Variants in CECR2 observed in about 807,000 individuals in gnomAD.
CECR2 encodes the protein CECR2 histone acetyl-lysine reader, also known as chromatin remodeling regulator CECR2.
In CECR2, 30 loss-of-function variants were observed where a neutral mutation model predicts 154.5. The ratio of observed to expected loss-of-function variants is 0.19; its 90% confidence interval spans 0.15 to 0.26. CECR2 has a LOEUF of 0.26. Among genes scored for constraint, CECR2 ranks in the 10% least tolerant of loss-of-function variants. The pLI is 1.00. For missense variants in CECR2, 1,743 were observed against 1,829.3 expected (o/e 0.95, Z 0.86); for synonymous variants, 725 against 683.7 (o/e 1.06, Z -0.94).
chr22:17,422,056 G>A (rs1352588719), intron 1 of CECR2, among the ~76,000 whole-genome samples: 1 of 151,806 alleles, frequency 6.6e-6, no homozygotes, highest in Non-Finnish European at 1.5e-5. Flanking sequence ...TTTCTGAGAA[G>A]TCAGATATAT....
intron 17 of CECR2, among the ~76,000 whole-genome samples, chr22:17,550,030 G>C (rs1291759518): frequency 3.3e-5 from 5 of 151,930 alleles, no homozygotes; most frequent in African/African-American, 1.2e-4. Flanking sequence ...ACACTCTGTA[G>C]GAAGGTATTA....
At chr22:17,509,067 A>G (rs969572867) in intron 7 of CECR2, among the ~76,000 whole-genome samples, 5 of 152,202 alleles carry the variant, frequency 3.3e-5, no homozygotes, top group African/African-American at 1.2e-4. Flanking sequence ...CCTGGCCAAC[A>G]TGGCAAAACC....
At chr22:17,528,849 A>T (rs2056307361) in intron 9 of CECR2, among the ~76,000 whole-genome samples, 2 of 152,158 alleles carry the variant, frequency 1.3e-5, no homozygotes, top group African/African-American at 4.8e-5. Context: ...TACTATTTTC[A>T]TTCCAGTGGT....
At chr22:17,405,671 C>G (rs1308772444) in intron 1 of CECR2, among the ~76,000 whole-genome samples, 1 of 131,506 alleles carries the variant, frequency 7.6e-6, no homozygotes. Flanking sequence ...AAAAAATTTT[C>G]AATTGTTTGC....
intron 1 of CECR2, among the ~76,000 whole-genome samples, chr22:17,392,286 G>A (rs1007505068): frequency 4.6e-5 from 7 of 151,894 alleles, no homozygotes; most frequent in African/African-American, 1.2e-4. Flanking sequence ...TTGGCCAGGC[G>A]CAGTGGCCAG....
chr22:17,399,996 G>A (rs1242707770), intron 1 of CECR2, among the ~76,000 whole-genome samples: 1 of 152,006 alleles, frequency 6.6e-6, no homozygotes, highest in Non-Finnish European at 1.5e-5. Context: ...TCTGCAGTTA[G>A]CATTTTATTT....
intron 8 of CECR2, chr22:17,518,994 A>T (rs1601502484): frequency 4.9e-6 from 1 of 202,428 alleles, no homozygotes; most frequent in East Asian, 1.2e-4. Context: ...TATTCTCTGC[A>T]TCAGAGAGAA....
chr22:17,453,205 G>T (rs978343720), intron 1 of CECR2, among the ~76,000 whole-genome samples: 2 of 152,194 alleles, frequency 1.3e-5, no homozygotes, highest in African/African-American at 2.4e-5. Context: ...ACTTTGGGAG[G>T]CCGAGGCGGG....
chr22:17,551,950 C>G, intron 17 of CECR2, 81 bp from the exon 18 acceptor site: 1 of 1,316,996 alleles, frequency 7.6e-7, no homozygotes, highest in South Asian at 1.2e-5. Flanking sequence ...AAGGCAGTAC[C>G]CTCGTGACTA....
At chr22:17,389,538 T>C (rs1339702687) in intron 1 of CECR2, among the ~76,000 whole-genome samples, 1 of 152,134 alleles carries the variant, frequency 6.6e-6, no homozygotes, top group Admixed American at 6.5e-5. Flanking sequence ...CTTGAACTCC[T>C]GGGCTCAAGC....
At chr22:17,457,860 G>T (rs909149399) in intron 1 of CECR2, among the ~76,000 whole-genome samples, 1 of 152,214 alleles carries the variant, frequency 6.6e-6, no homozygotes, top group Non-Finnish European at 1.5e-5. Context: ...AAAACTGGGA[G>T]ACATTTCAAG....
At chr22:17,539,470 T>C (rs1313972990) in intron 13 of CECR2, among the ~76,000 whole-genome samples, 1 of 151,954 alleles carries the variant, frequency 6.6e-6, no homozygotes, top group African/African-American at 2.4e-5. Flanking sequence ...AATATCAAAG[T>C]AGAAATGGCT....
intron 6 of CECR2, among the ~76,000 whole-genome samples, chr22:17,504,631 C>T (rs905564104): frequency 6.1e-5 from 9 of 148,338 alleles, no homozygotes; most frequent in South Asian, 2.1e-4. Flanking sequence ...TTAGTAGAGA[C>T]GGGGTTTCAC....
At chr22:17,458,930 G>A (rs1292699090) in intron 1 of CECR2, among the ~76,000 whole-genome samples, 1 of 152,132 alleles carries the variant, frequency 6.6e-6, no homozygotes, top group East Asian at 1.9e-4. Context: ...AAATTGTGAA[G>A]TTAGCACATT....
rs1406763686 is a variant in CECR2, at chr22:17,409,528, G to A, written c.126+39619G>A. ...TTACAGGCATGAGCCACTGTGCCTG[G>A]CCTAATTTTAAGTAAGTTTTATAAA... On this transcript the variant is annotated intron_variant, in intron 1 of 18. Transcript: ENST00000262608. Among the ~76,000 whole-genome samples, 2 of 111,400 alleles carry A rather than the reference G, an allele frequency of 1.8e-5. 1 individual carries two copies. Among genetic ancestry groups the A allele is most frequent in the African/African-American group, 6.1e-5 (2 of 32,708 alleles). 73.1% of individuals were successfully genotyped at this position (111,400 alleles called of 152,430 possible).
chr22:17,415,998 G>A (rs1262360960), intron 1 of CECR2, among the ~76,000 whole-genome samples: 1 of 152,286 alleles, frequency 6.6e-6, no homozygotes, highest in East Asian at 1.9e-4. Flanking sequence ...TTTCTGGGAA[G>A]AAACTGTTTT....
intron 1 of CECR2, among the ~76,000 whole-genome samples, chr22:17,402,375 T>G (rs1485006584): frequency 6.6e-6 from 1 of 152,228 alleles, no homozygotes; most frequent in Non-Finnish European, 1.5e-5. Flanking sequence ...AAAGACTTCA[T>G]GTATATCAGG....
intron 1 of CECR2, chr22:17,419,415 C>G (rs1178474030): frequency 5.5e-6 from 1 of 180,544 alleles, no homozygotes; most frequent in Non-Finnish European, 1.2e-5. Flanking sequence ...TGGATGAGAG[C>G]CCTGATTTGG....
chr22:17,428,849 C>G (rs1315325195), intron 1 of CECR2, among the ~76,000 whole-genome samples: 1 of 119,044 alleles, frequency 8.4e-6, no homozygotes, highest in Admixed American at 8.0e-5. Flanking sequence ...GCAGAGTCAT[C>G]TGGGAATGCT....
Sources: gnomAD v4.1 joint callset for allele counts (sites outside exome capture counted in the v4.1 genomes callset) on GRCh38, gnomAD v4.1.1 for gene constraint, MANE v1.5 for transcripts, NCBI Gene and HGNC (gene_info 2026-07-23, HGNC 2026-07-21) for gene names.